CCDC30: variants seen among roughly 807,000 people sequenced by gnomAD.
CCDC30 encodes the protein coiled-coil domain-containing protein 30.
In CCDC30, 70 loss-of-function variants were observed where a neutral mutation model predicts 100.2. The ratio of observed to expected loss-of-function variants is 0.70; its 90% CI spans 0.58 to 0.85. The LOEUF (loss-of-function observed/expected upper bound fraction) is 0.85, where lower values mean the gene tolerates loss of function less well. CCDC30 is among the 40% of genes least tolerant of loss of function. CCDC30 has a pLI of 0.00. For missense variants in CCDC30, 652 were observed against 771.2 expected (o/e 0.85, Z 1.83); for synonymous variants, 233 against 269.5 (o/e 0.86, Z 1.33).
At chr1:42,599,616 A>C (rs1431888098) in intron 10 of CCDC30, among the ~76,000 whole-genome samples, 2 of 152,270 alleles carry the variant, frequency 1.3e-5, no homozygotes, top group Non-Finnish European at 2.9e-5. Context: ...AAGAATGTCC[A>C]AATTGGTCAA....
At chr1:42,616,067 C>T (rs899342446) in intron 11 of CCDC30, among the ~76,000 whole-genome samples, 1 of 152,090 alleles carries the variant, frequency 6.6e-6, no homozygotes, top group East Asian at 1.9e-4. Context: ...AGGTGCATGC[C>T]ACCACACCCA....
intron 6 of CCDC30, among the ~76,000 whole-genome samples, chr1:42,501,784 G>A (rs575891261): frequency 6.6e-6 from 1 of 152,302 alleles, no homozygotes; most frequent in East Asian, 1.9e-4. Flanking sequence ...TTGCAGAACA[G>A]CAAATGTTGC....
intron 6 of CCDC30, chr1:42,536,864 C>T: frequency 2.3e-6 from 1 of 427,410 alleles, no homozygotes. Flanking sequence ...TTGCTGTGTC[C>T]TCACATGACA....
chr1:42,516,969 T>C (rs1644564647), intron 6 of CCDC30, among the ~76,000 whole-genome samples: 1 of 152,262 alleles, frequency 6.6e-6, no homozygotes, highest in South Asian at 2.1e-4. Context: ...GTTTGGTTTT[T>C]CTTATAAGTT....
At chr1:42,563,632 G>C (rs895185829) in intron 6 of CCDC30, among the ~76,000 whole-genome samples, 29 of 152,180 alleles carry the variant, frequency 1.9e-4, no homozygotes, top group African/African-American at 7.0e-4. Context: ...TGTAATCCCA[G>C]CACTTTGGGA....
intron 6 of CCDC30, among the ~76,000 whole-genome samples, chr1:42,508,932 T>C (rs1644436807): frequency 6.6e-6 from 1 of 152,204 alleles, no homozygotes; most frequent in Admixed American, 6.5e-5. Context: ...GAGCACTCTT[T>C]AAGAAAATCC....
rs1302356492 is a variant in CCDC30, at chr1:42,545,716, G to A, written c.457-20580G>A. 13 of 700,572 alleles carry A rather than the reference G, an allele frequency of 1.9e-5. 1 individual carries two copies. The South Asian group carries it at 2.4e-4, about 13-fold the overall frequency. The allele number at this position is 700,572 out of a possible 1,614,324, so 43.4% of individuals were successfully genotyped here. ...AATCCCAGCACTTCGGGAGACTGAG[G>A]CAGGCAGATCGCTTGAGCTCAGGAG... On this transcript the variant is annotated intron_variant, in intron 6 of 16. Coordinates refer to ENST00000668663, the Ensembl canonical transcript of CCDC30.
chr1:42,458,487 A>G (rs1346024561), upstream of CCDC30, among the ~76,000 whole-genome samples: 1 of 152,204 alleles, frequency 6.6e-6, no homozygotes, highest in East Asian at 1.9e-4. Context: ...TGTAGGACTT[A>G]GAGATGAAAG....
At chr1:42,470,132 A>G (rs1643720115) in intron 1 of CCDC30, among the ~76,000 whole-genome samples, 1 of 152,170 alleles carries the variant, frequency 6.6e-6, no homozygotes, top group Non-Finnish European at 1.5e-5. Flanking sequence ...GATTGAAATG[A>G]TCAACAGTTG....
At chr1:42,462,444 A>G (rs1287861208), upstream of CCDC30, among the ~76,000 whole-genome samples, 2 of 152,198 alleles carry the variant, frequency 1.3e-5, no homozygotes, top group Non-Finnish European at 2.9e-5. Flanking sequence ...GTCTAGTGCC[A>G]GAAGGAGAGG....
chr1:42,570,469 G>A (rs1380585836), intron 7 of CCDC30, among the ~76,000 whole-genome samples: 1 of 151,864 alleles, frequency 6.6e-6, no homozygotes, highest in African/African-American at 2.4e-5. Flanking sequence ...AGTTTACCTA[G>A]TAGTCATAAA....
At chr1:42,517,679 C>T (rs1331238957) in intron 6 of CCDC30, among the ~76,000 whole-genome samples, 1 of 152,064 alleles carries the variant, frequency 6.6e-6, no homozygotes, top group East Asian at 1.9e-4. Flanking sequence ...TTCTTTCCTC[C>T]ATCGTCTTTG....
intron 11 of CCDC30, among the ~76,000 whole-genome samples, chr1:42,620,827 G>A (rs1646816336): frequency 6.6e-6 from 1 of 152,168 alleles, no homozygotes. Flanking sequence ...GAACAGCCAG[G>A]TGGAAGAGAT....
chr1:42,609,217 G>T (rs1286821631), intron 10 of CCDC30, among the ~76,000 whole-genome samples: 1 of 151,930 alleles, frequency 6.6e-6, no homozygotes, highest in South Asian at 2.1e-4. Context: ...AAGACAATGA[G>T]GATGAAAAAT....
chr1:42,535,524 C>T (rs374421009), intron 6 of CCDC30, among the ~76,000 whole-genome samples: 6 of 149,066 alleles, frequency 4.0e-5, no homozygotes, highest in African/African-American at 1.2e-4. Context: ...ACTGGCCAAA[C>T]CAAATGTGCA....
intron 6 of CCDC30, among the ~76,000 whole-genome samples, chr1:42,532,656 G>A (rs1644824132): frequency 6.6e-6 from 1 of 152,214 alleles, no homozygotes; most frequent in Non-Finnish European, 1.5e-5. Context: ...TGAGCACTTA[G>A]ATAAAGGATT....
intron 5 of CCDC30, among the ~76,000 whole-genome samples, chr1:42,498,178 A>C (rs1440897018): frequency 6.6e-6 from 1 of 152,258 alleles, no homozygotes; most frequent in Admixed American, 6.5e-5. Flanking sequence ...CAGTCACAAA[A>C]GGACAAATAA....
At chr1:42,490,050 G>A (rs1194672935) in intron 3 of CCDC30, 108 bp from the exon 4 acceptor site, 1 of 391,024 alleles carries the variant, frequency 2.6e-6, no homozygotes, top group Non-Finnish European at 4.3e-6. Flanking sequence ...AAACTCCTAG[G>A]ACAGTAGCCA....
chr1:42,565,530 A>G (rs1010674617), intron 6 of CCDC30, among the ~76,000 whole-genome samples: 5 of 152,228 alleles, frequency 3.3e-5, no homozygotes, highest in African/African-American at 1.2e-4. Flanking sequence ...CAAAAAGACA[A>G]AAGGTAAGTG....
Sources: gnomAD v4.1 joint callset for allele counts (sites outside exome capture counted in the v4.1 genomes callset) on GRCh38, gnomAD v4.1.1 for gene constraint, MANE v1.5 for transcripts, NCBI Gene and HGNC (gene_info 2026-07-23, HGNC 2026-07-21) for gene names.